Variants in ADGRE2 observed in about 807,000 individuals in gnomAD.
The protein encoded by ADGRE2 is adhesion G protein-coupled receptor E2.
Under a neutral mutation model 100.8 loss-of-function variants are expected in ADGRE2, and 83 were observed. The observed-to-expected ratio is 0.82, with a 90% confidence interval of 0.69 to 0.99. The LOEUF is 0.99. Ranked by LOEUF, ADGRE2 falls within the 50% of genes least tolerant of loss-of-function variation. The pLI is 0.00. For synonymous variants in ADGRE2, 355 were observed against 413.0 expected, an observed-to-expected ratio of 0.86 and a Z score of 1.70; for missense variants, 814 against 1,035.7, an observed-to-expected ratio of 0.79 and a Z score of 2.94.
chr19:14,774,276 G>A lies in ADGRE2; in HGVS notation c.62C>T (p.Ala21Val). 2 of 1,584,700 alleles carry A rather than the reference G, an allele frequency of 1.3e-6. No individual in the cohort carries two copies. The highest frequency in any genetic ancestry group is 1.7e-6 in the Non-Finnish European group (2 of 1,162,422). ...AFCVWLTLPGAETQDSRGCAR... is the reference protein window; with the variant it reads ...AFCVWLTLPGVETQDSRGCAR... Reference sequence around the variant, plus strand: ...CTCACCCCTGGAGTCCTGGGTTTCAGCTCCCGGCAGAGTCAGCCAGACACA... The same window carrying A: ...CTCACCCCTGGAGTCCTGGGTTTCAACTCCCGGCAGAGTCAGCCAGACACA... Residue 21 changes from alanine (A) to valine (V), a missense_variant, in exon 3 of 21, where the codon GCT becomes GTT. By Grantham distance (64) the Ala-to-Val change is moderately conservative. Coordinates refer to ENST00000315576, the MANE Select transcript of ADGRE2 (RefSeq NM_013447.4).
chr19:14,747,965 T>G (rs921007704), intron 16 of ADGRE2, among the ~76,000 whole-genome samples: 2 of 152,220 alleles, frequency 1.3e-5, no homozygotes, highest in African/African-American at 4.8e-5. Flanking sequence ...TGAGCATTCA[T>G]GTACAACATT....
At chr19:14,730,001 A>G (rs150192195), downstream of ADGRE2, among the ~76,000 whole-genome samples, 2 of 152,134 alleles carry the variant, frequency 1.3e-5, no homozygotes, top group Admixed American at 1.3e-4. Context: ...TAAAATGACT[A>G]CTTTAGCCAA....
Position 14,776,820 on chromosome 19 carries a change from T to C in ADGRE2, c.-64A>G, listed in dbSNP as rs1426782376. The C allele has an allele frequency of 6.2e-7, 1 of 1,605,286 alleles. No individual in the cohort carries two copies. Among genetic ancestry groups the C allele is most frequent in the African/African-American group, 1.3e-5 (1 of 74,546 alleles). ...GAGTGAGTGGGACAGGGCTGTCCCGTCTCCGCAGGCTGGGCAGCTGTGCGG... is the reference window on the plus strand; with the variant it reads ...GAGTGAGTGGGACAGGGCTGTCCCGCCTCCGCAGGCTGGGCAGCTGTGCGG... On this transcript the variant is annotated 5_prime_UTR_variant, in exon 2 of 21. Coordinates refer to ENST00000315576, the MANE Select transcript of ADGRE2 (RefSeq NM_013447.4).
chr19:14,755,271 TAAAA>T lies in ADGRE2; in HGVS notation c.1417-148_1417-145del, dbSNP rs35861940. 4.2e-3 allele frequency: 1,548 copies of T among 371,360 alleles called. 13 individuals are homozygous for T. The African/African-American group carries it at 0.059, about 14-fold the overall frequency. 23.0% of individuals were successfully genotyped at this position (371,360 alleles called of 1,614,324 possible). A position where few individuals can be genotyped will look rare whatever the true frequency, so the allele number is the denominator to read the frequency against. On this transcript the variant is annotated intron_variant, in intron 13 of 20. Coordinates refer to ENST00000315576, the MANE Select transcript of ADGRE2 (RefSeq NM_013447.4). ...CAACATGGTGAAACCCCATCTCTAC[TAAAA>T]AAAAAAAAAAAAAAAAAAAATACAA... is the stretch of plus-strand genomic sequence containing the variant.
At chr19:14,752,000 C>T (rs1022612032) in intron 15 of ADGRE2, among the ~76,000 whole-genome samples, 1 of 149,398 alleles carries the variant, frequency 6.7e-6, no homozygotes, top group African/African-American at 2.5e-5. Flanking sequence ...ATGGTGCGAT[C>T]TCGGCTTACC....
Position 14,756,962 on chromosome 19 carries a change from G to A in ADGRE2, c.1085-617C>T, listed in dbSNP as rs117109289. 5.9e-3 allele frequency among the ~76,000 whole-genome samples: 898 copies of A among 151,550 alleles called. 5 individuals are homozygous for A. Among genetic ancestry groups the A allele is most frequent in the Non-Finnish European group, 9.3e-3 (635 of 67,952 alleles). On this transcript the variant is annotated intron_variant, in intron 11 of 20. Coordinates refer to ENST00000315576, the MANE Select transcript of ADGRE2 (RefSeq NM_013447.4). ...TCTCACCTGTTGGTCAGGCTAGAGT[G>A]CAGTGGCATGATCATAGCTCACTGC...
intron 3 of ADGRE2, 67 bp downstream of exon 3, chr19:14,774,189 G>A: frequency 3.3e-6 from 5 of 1,521,660 alleles, no homozygotes; most frequent in Non-Finnish European, 4.5e-6. Context: ...AGGGGGCTGG[G>A]CGGGGGTCCA....
chr19:14,731,259 G>A, downstream of ADGRE2: 2 of 1,409,512 alleles, frequency 1.4e-6, no homozygotes, highest in Non-Finnish European at 1.9e-6. Context: ...GGATATCAAA[G>A]GATCACTACT....
chr19:14,758,621 A>G (rs2043582884), intron 11 of ADGRE2, among the ~76,000 whole-genome samples: 1 of 152,222 alleles, frequency 6.6e-6, no homozygotes, highest in African/African-American at 2.4e-5. Flanking sequence ...GCAGTGGCTC[A>G]CGCCTGTAAT....
chr19:14,766,025 C>G (rs1273032687), intron 7 of ADGRE2: 1 of 1,026,464 alleles, frequency 9.7e-7, no homozygotes, highest in Non-Finnish European at 1.4e-6. Flanking sequence ...GAGTCATCAG[C>G]TGTTGCCTGG....
At chr19:14,766,172 C>T (rs754728249) in intron 7 of ADGRE2, 63 bp downstream of exon 7, 33 of 1,611,476 alleles carry the variant, frequency 2.0e-5, no homozygotes, top group African/African-American at 5.3e-5. Flanking sequence ...TTTGTGTGGG[C>T]GCCGTTGAAC....
chr19:14,737,250 C>T (rs763217597), intron 20 of ADGRE2, among the ~76,000 whole-genome samples: 19 of 151,396 alleles, frequency 1.3e-4, no homozygotes, highest in Admixed American at 6.6e-5. Context: ...TGCAGTGGCA[C>T]CATCTCTGCT....
At chr19:14,771,677 T>G (rs563913937) in intron 5 of ADGRE2, among the ~76,000 whole-genome samples, 14 of 136,258 alleles carry the variant, frequency 1.0e-4, no homozygotes, top group African/African-American at 3.7e-4. Flanking sequence ...AGTCTTGCAC[T>G]GTCACCAGGC....
chr19:14,774,220 C>T, intron 3 of ADGRE2, 36 bp downstream of exon 3: 2 of 1,517,488 alleles, frequency 1.3e-6, no homozygotes, highest in Non-Finnish European at 1.8e-6. Context: ...CAGGCTCTGG[C>T]TGTGGACTGT....
intron 20 of ADGRE2, among the ~76,000 whole-genome samples, chr19:14,743,155 T>C (rs1341754723): frequency 2.0e-5 from 3 of 152,070 alleles, no homozygotes; most frequent in Non-Finnish European, 2.9e-5. Context: ...CCCAGGGTCA[T>C]CTTGCACTCC....
intron 2 of ADGRE2, among the ~76,000 whole-genome samples, chr19:14,776,108 G>A (rs2044427727): frequency 6.6e-6 from 1 of 152,116 alleles, no homozygotes; most frequent in Non-Finnish European, 1.5e-5. Flanking sequence ...TCCAAGGCAT[G>A]TCCTGGGGGA....
At chr19:14,737,986 A>G (rs2042809511) in intron 20 of ADGRE2, among the ~76,000 whole-genome samples, 1 of 151,988 alleles carries the variant, frequency 6.6e-6, no homozygotes, top group Non-Finnish European at 1.5e-5. Context: ...CAAAAAAAAA[A>G]AAAAAAGTTG....
At chr19:14,770,954 ACAGG>A (rs1280062032) in intron 5 of ADGRE2, among the ~76,000 whole-genome samples, 2 of 151,994 alleles carry the variant, frequency 1.3e-5, no homozygotes, top group Non-Finnish European at 2.9e-5. Flanking sequence ...TGCTGGGATT[ACAGG>A]CGTGAGCCAC....
At chr19:14,726,885 G>A in the ADGRE2 span, among the ~76,000 whole-genome samples, 1 of 152,056 alleles carries the variant, frequency 6.6e-6, no homozygotes, top group East Asian at 1.9e-4. Context: ...TTCCTTCTGA[G>A]CCCTCCAAAC....
Sources: allele counts gnomAD v4.1 joint callset (sites outside exome capture counted in the v4.1 genomes callset), GRCh38; gene constraint gnomAD v4.1.1; transcripts MANE v1.5; gene names NCBI Gene and HGNC (gene_info 2026-07-23, HGNC 2026-07-21).